Variants in TANC2 observed in about 807,000 individuals in gnomAD.
TANC2 encodes tetratricopeptide repeat, ankyrin repeat and coiled-coil containing 2.
TANC2 carries 26 observed loss-of-function variants against 210.5 expected under a neutral mutation model. The observed-to-expected ratio is 0.12, with a 90% confidence interval of 0.09 to 0.17. The LOEUF is 0.17. Ranked by LOEUF, TANC2 falls within the 10% of genes least tolerant of loss-of-function variation. TANC2 has a pLI of 1.00. For missense variants in TANC2, 2,129 were observed against 2,608.9 expected, an observed-to-expected ratio of 0.82 and a Z score of 4.01; for synonymous variants, 931 against 967.1, an observed-to-expected ratio of 0.96 and a Z score of 0.69.
intron 19 of TANC2, chr17:63,399,287 T>C (rs2048267133): frequency 3.2e-5 from 5 of 154,558 alleles, no homozygotes; most frequent in African/African-American, 1.2e-4. Flanking sequence ...CCCATCAAAA[T>C]AACTCTTTCC....
At chr17:63,228,505 A>G (rs1013141086) in intron 7 of TANC2, among the ~76,000 whole-genome samples, 2 of 152,160 alleles carry the variant, frequency 1.3e-5, no homozygotes, top group Non-Finnish European at 2.9e-5. Flanking sequence ...GTTTGAATCT[A>G]TAAATTACTT....
At chr17:63,397,190 G>A (rs763143641) in intron 18 of TANC2, among the ~76,000 whole-genome samples, 6 of 152,004 alleles carry the variant, frequency 3.9e-5, no homozygotes, top group Non-Finnish European at 7.4e-5. Flanking sequence ...CAGGAGAATC[G>A]CCTGAACCCG....
intron 2 of TANC2, among the ~76,000 whole-genome samples, chr17:63,014,802 T>A (rs1458046585): frequency 2.6e-5 from 4 of 152,296 alleles, no homozygotes; most frequent in Admixed American, 1.3e-4. Flanking sequence ...TCAGTAATGA[T>A]TTTTAGGAGT....
chr17:63,088,801 A>G (rs1395841305), intron 3 of TANC2: 7 of 152,168 alleles, frequency 4.6e-5, no homozygotes, highest in Admixed American at 4.6e-4. Flanking sequence ...CTGCTCTAAA[A>G]TTGTTCAAAG....
chr17:63,007,036 GGA>G (rs2033655038), intron 1 of TANC2, among the ~76,000 whole-genome samples: 1 of 150,842 alleles, frequency 6.6e-6, no homozygotes, highest in African/African-American at 2.5e-5. Context: ...GACTGGCCTG[GGA>G]AACATAGTAA....
intron 4 of TANC2, chr17:63,130,830 C>T (rs2038891000): frequency 6.6e-6 from 1 of 152,154 alleles, no homozygotes; most frequent in Admixed American, 6.5e-5. Flanking sequence ...TTTAGAGCTG[C>T]TTGTGGTAAT....
chr17:63,217,798 A>G (rs548579558), intron 7 of TANC2, among the ~76,000 whole-genome samples: 3 of 152,246 alleles, frequency 2.0e-5, no homozygotes, highest in African/African-American at 4.8e-5. Context: ...ATTATCTCTC[A>G]TGAATGCAGA....
At chr17:62,972,187 T>C (rs961726353) in intron 1 of TANC2, among the ~76,000 whole-genome samples, 1 of 152,216 alleles carries the variant, frequency 6.6e-6, no homozygotes, top group East Asian at 1.9e-4. Context: ...AAAATCTTTA[T>C]AAATTATGTG....
At position 63,421,592 on chromosome 17, in the gene TANC2, G is replaced by C. The variant is rs765991023; in HGVS notation, c.5862G>C (p.Val1954=). Reference sequence around the variant, plus strand: ...ACCAGCAGAATCGGACCTGGGCAGTGTCATCTGTGGACACCGTCCTCAGTC... The same window carrying C: ...ACCAGCAGAATCGGACCTGGGCAGTCTCATCTGTGGACACCGTCCTCAGTC... The change falls in exon 28 of 28, where the codon GTG becomes GTC. Residue 1954 remains valine (V), a synonymous_variant. Transcript: ENST00000689528. This position sits in a 1 kb window ranked among gnomAD's most constrained non-coding sequence, Gnocchi z 6.9. 6.2e-7 allele frequency: 1 copy of C among 1,613,872 alleles called. No homozygotes were observed. The highest frequency in any genetic ancestry group is 1.3e-5 in the African/African-American group (1 of 74,940).
chr17:63,164,942 G>C (rs1264951103), intron 5 of TANC2, among the ~76,000 whole-genome samples: 1 of 152,028 alleles, frequency 6.6e-6, no homozygotes, highest in African/African-American at 2.4e-5. Context: ...TGTTTTACTG[G>C]CTCTCTCTTA....
rs148007478 is a variant in TANC2, at chr17:63,359,493, C to T, written c.2582+4103C>T. Among the ~76,000 whole-genome samples the T allele has an allele frequency of 1.2e-3, 179 of 151,984 alleles. 1 individual carries two copies. Among genetic ancestry groups the T allele is most frequent in the African/African-American group, 3.7e-3 (154 of 41,466 alleles). ...CAAGTAGCTGGGATATTACAGGTACCTGCTACCTTGCCCGGCTAACTTTTT... is the reference window on the plus strand; with the variant it reads ...CAAGTAGCTGGGATATTACAGGTACTTGCTACCTTGCCCGGCTAACTTTTT... On this transcript the variant is annotated intron_variant, in intron 14 of 27. Coordinates refer to ENST00000689528, the Ensembl canonical transcript of TANC2.
intron 5 of TANC2, among the ~76,000 whole-genome samples, chr17:63,188,048 C>G (rs1311613862): frequency 6.6e-6 from 1 of 152,046 alleles, no homozygotes; most frequent in Admixed American, 6.5e-5. Context: ...CAAGAAATGT[C>G]TAAGAAATTT....
intron 1 of TANC2, among the ~76,000 whole-genome samples, chr17:62,979,337 T>G (rs969635497): frequency 6.6e-6 from 1 of 152,124 alleles, no homozygotes; most frequent in Non-Finnish European, 1.5e-5. Flanking sequence ...TTCTTTAAAG[T>G]AAAGATCTTT....
At chr17:63,211,105 A>G (rs372757712) in intron 7 of TANC2, among the ~76,000 whole-genome samples, 5 of 152,070 alleles carry the variant, frequency 3.3e-5, no homozygotes, top group East Asian at 3.8e-4. Flanking sequence ...CTTTTTGTCT[A>G]CTTTTCATCT....
chr17:63,094,195 CAT>C (rs1334516185), intron 3 of TANC2, among the ~76,000 whole-genome samples: 1 of 151,958 alleles, frequency 6.6e-6, no homozygotes, highest in Non-Finnish European at 1.5e-5. Context: ...CATAGGCAAT[CAT>C]GTTGTCTGAT....
intron 15 of TANC2, chr17:63,381,515 A>T (rs1484015104): frequency 6.6e-6 from 1 of 152,224 alleles, no homozygotes; most frequent in Non-Finnish European, 1.5e-5. Flanking sequence ...AAAGACAAAT[A>T]TAGACTTTAT....
intron 2 of TANC2, among the ~76,000 whole-genome samples, chr17:63,055,980 A>ATAT (rs2035767736): frequency 7.5e-5 from 2 of 26,644 alleles, no homozygotes; most frequent in African/African-American, 8.5e-5. Flanking sequence ...AAAAAAAAAA[A>ATAT]AAAAAAAAAA....
chr17:63,347,550 A>G (rs902047541), intron 12 of TANC2, among the ~76,000 whole-genome samples: 1 of 152,204 alleles, frequency 6.6e-6, no homozygotes, highest in African/African-American at 2.4e-5. Context: ...TTCAATGGAA[A>G]ACACTTTCAA....
rs1437093536 is a variant in TANC2 at position 63,058,311 on chromosome 17, C to T, written c.68-15632C>T. On this transcript the variant is annotated intron_variant, in intron 2 of 27. Coordinates refer to ENST00000689528, the Ensembl canonical transcript of TANC2. ...GGTTTTTTAAGTTTCTTATACATGC[C>T]GGATTATTAGACTTTTGTCAGATGC... 2.6e-5 allele frequency among the ~76,000 whole-genome samples: 4 copies of T among 151,870 alleles called. No individual in the cohort carries two copies. In the East Asian group the frequency reaches 5.8e-4, roughly 22 times the overall value.
Sources: gnomAD v4.1 joint callset for allele counts (sites outside exome capture counted in the v4.1 genomes callset) on GRCh38, gnomAD v4.1.1 for gene constraint, Gnocchi (gnomAD v3.1) non-coding constraint, MANE v1.5 for transcripts, NCBI Gene and HGNC (gene_info 2026-07-23, HGNC 2026-07-21) for gene names.